The following NEO1 variants were observed in gnomAD, a reference collection of about 807,000 sequenced individuals.
NEO1 encodes neogenin 1, also known as neogenin.
NEO1 carries 63 observed loss-of-function variants against 159.7 expected under a neutral mutation model. The ratio of observed to expected loss-of-function variants is 0.39; its 90% confidence interval spans 0.32 to 0.49. The LOEUF (loss-of-function observed/expected upper bound fraction) is 0.49. Among genes scored for constraint, NEO1 ranks in the 20% least tolerant of loss-of-function variants. The pLI is 0.85. For synonymous variants in NEO1, 633 were observed against 662.0 expected (o/e 0.96, Z 0.67); for missense variants, 1,615 against 1,831.0 (o/e 0.88, Z 2.15).
chr15:73,138,689 G>A (rs1324079762), intron 5 of NEO1, among the ~76,000 whole-genome samples: 1 of 151,068 alleles, frequency 6.6e-6, no homozygotes, highest in East Asian at 2.0e-4. Flanking sequence ...CTGGGAAGCC[G>A]AGCTTGCAGT....
At chr15:73,257,611 T>C (rs1206555207) in intron 13 of NEO1, among the ~76,000 whole-genome samples, 1 of 152,220 alleles carries the variant, frequency 6.6e-6, no homozygotes, top group Non-Finnish European at 1.5e-5. Context: ...GAAGTAATTA[T>C]TGTTATAGCA....
chr15:73,127,993 A>G lies in NEO1; in HGVS notation c.878+1423A>G, dbSNP rs920673254. On this transcript the variant is annotated intron_variant, in intron 4 of 28. Transcript: ENST00000261908. ...TTTTATAGTTCAGTATCCAAGACGT[A>G]GAAACAGGTATCTATCTAGTTATCT... 1.9e-4 allele frequency among the ~76,000 whole-genome samples: 29 copies of G among 152,204 alleles called. No individual in the cohort carries two copies. In the South Asian group the frequency reaches 6.0e-3, roughly 32 times the overall value.
rs756549597 is a variant in NEO1, at chr15:73,274,740, G to T, written c.3193+16G>T. 4.4e-6 allele frequency: 7 copies of T among 1,609,192 alleles called. No individual in the cohort carries two copies. In the East Asian group the frequency reaches 1.6e-4, roughly 36 times the overall value. Reference sequence around the variant, plus strand: ...AATGATCAAGGTAAATGAGTAGATGGCCTCTCTTTTCTTTCCTTTCTTTTG... The same window carrying T: ...AATGATCAAGGTAAATGAGTAGATGTCCTCTCTTTTCTTTCCTTTCTTTTG... On this transcript the variant is annotated intron_variant, in intron 21 of 28. Coordinates refer to ENST00000261908, the MANE Select transcript of NEO1 (RefSeq NM_002499.4).
chr15:73,054,215 CATG>C (rs1356159784), intron 1 of NEO1, among the ~76,000 whole-genome samples: 2 of 152,180 alleles, frequency 1.3e-5, no homozygotes, highest in Admixed American at 6.5e-5. Context: ...TCCTGTTACT[CATG>C]ATCTATTTTA....
chr15:73,238,635 G>A (rs981203134), intron 8 of NEO1, among the ~76,000 whole-genome samples: 1 of 151,654 alleles, frequency 6.6e-6, no homozygotes, highest in South Asian at 2.1e-4. Flanking sequence ...AACAGGAAAG[G>A]GCTTTTAAAG....
chr15:73,164,100 T>C (rs936225025), intron 5 of NEO1, among the ~76,000 whole-genome samples: 1 of 151,302 alleles, frequency 6.6e-6, no homozygotes, highest in Non-Finnish European at 1.5e-5. Context: ...CAATCTCAGC[T>C]CACTGCAACC....
At chr15:73,093,550 A>G (rs1394470524) in intron 1 of NEO1, among the ~76,000 whole-genome samples, 1 of 148,500 alleles carries the variant, frequency 6.7e-6, no homozygotes, top group Admixed American at 6.7e-5. Context: ...AAATTGTTTC[A>G]GCTTTGACCA....
intron 1 of NEO1, among the ~76,000 whole-genome samples, chr15:73,103,764 G>T (rs2070529406): frequency 6.6e-6 from 1 of 152,146 alleles, no homozygotes; most frequent in African/African-American, 2.4e-5. Flanking sequence ...ATGGAGGTGG[G>T]TTAGGGTGCA....
chr15:73,077,038 TA>T (rs1485853677), intron 1 of NEO1, among the ~76,000 whole-genome samples: 3 of 152,080 alleles, frequency 2.0e-5, no homozygotes, highest in African/African-American at 7.3e-5. Context: ...GCAATTTTTT[TA>T]AATTAATTAA....
At chr15:73,212,718 T>C (rs1005966921) in intron 7 of NEO1, among the ~76,000 whole-genome samples, 1 of 151,916 alleles carries the variant, frequency 6.6e-6, no homozygotes, top group South Asian at 2.1e-4. Flanking sequence ...TATAGAAGCA[T>C]TGCTGATAGT....
intron 9 of NEO1, among the ~76,000 whole-genome samples, chr15:73,247,875 T>C (rs922461454): frequency 5.3e-5 from 8 of 152,164 alleles, no homozygotes; most frequent in East Asian, 1.9e-4. Context: ...TTGTAGGAGA[T>C]AGAGCCAGCT....
intron 1 of NEO1, among the ~76,000 whole-genome samples, chr15:73,071,207 C>A (rs2068514902): frequency 6.6e-6 from 1 of 152,072 alleles, no homozygotes; most frequent in East Asian, 1.9e-4. Context: ...CTTGGCCTCC[C>A]AAAGTGCAGG....
intron 25 of NEO1, among the ~76,000 whole-genome samples, chr15:73,289,644 T>A (rs2042086271): frequency 1.3e-5 from 2 of 152,176 alleles, no homozygotes; most frequent in South Asian, 4.1e-4. Context: ...TTTATTTTTT[T>A]AATTAATAGA....
rs1471027119 is a variant in NEO1, at chr15:73,135,846, C to T, written c.879-45C>T. 8 of 1,430,304 alleles carry T rather than the reference C, an allele frequency of 5.6e-6. No individual in the cohort carries two copies. The African/African-American group carries it at 8.8e-5, about 16-fold the overall frequency. The allele number at this position is 1,430,304 out of a possible 1,614,324, so 88.6% of individuals were successfully genotyped here. On this transcript the variant is annotated intron_variant, in intron 4 of 28. Transcript: ENST00000261908. Reference sequence around the variant, plus strand: ...GGAGAGTTTTTCAGGTATTATTTTCCTAGTACTGAAATGTATCTTTTTTTT... The same window carrying T: ...GGAGAGTTTTTCAGGTATTATTTTCTTAGTACTGAAATGTATCTTTTTTTT...
At chr15:73,127,830 T>A (rs2030505764) in intron 4 of NEO1, among the ~76,000 whole-genome samples, 1 of 152,226 alleles carries the variant, frequency 6.6e-6, no homozygotes, top group Non-Finnish European at 1.5e-5. Context: ...ACATTTATTT[T>A]AAAATTTCAG....
At chr15:73,170,134 T>C (rs1187005160) in intron 5 of NEO1, among the ~76,000 whole-genome samples, 1 of 152,142 alleles carries the variant, frequency 6.6e-6, no homozygotes, top group East Asian at 1.9e-4. Context: ...GAATTATAAT[T>C]CCATGTAAAT....
chr15:73,284,292 C>A (rs2041852137), intron 23 of NEO1, among the ~76,000 whole-genome samples: 1 of 152,146 alleles, frequency 6.6e-6, no homozygotes, highest in African/African-American at 2.4e-5. Context: ...AAGAGAAATT[C>A]ATGTTTATGT....
rs1277362385 is a variant in NEO1, at chr15:73,295,146, A to ATATATATATATATATAT, written c.3901+1598_3901+1599insTATATATATATATATAT. Among the ~76,000 whole-genome samples, 44 of 140,188 alleles carry ATATATATATATATATAT rather than the reference A, an allele frequency of 3.1e-4. 1 individual carries two copies. Among genetic ancestry groups the ATATATATATATATATAT allele is most frequent in the East Asian group, 6.4e-4 (3 of 4,652 alleles). The allele number at this position is 140,188 out of a possible 152,430, so 92.0% of individuals were successfully genotyped here. A position where few individuals can be genotyped will look rare whatever the true frequency, so the allele number is the denominator to read the frequency against. On this transcript the variant is annotated intron_variant, in intron 26 of 28. Transcript: ENST00000261908. Reference sequence around the variant, plus strand: ...ATTAAATATATATATATATATATGTAAAAATTTGGCCTTTCTACTATCTCC... The same window carrying ATATATATATATATATAT: ...ATTAAATATATATATATATATATGTATATATATATATATATATAAAATTTGGCCTTTCTACTATCTCC...
At chr15:73,218,438 C>T (rs2038032333) in intron 7 of NEO1, among the ~76,000 whole-genome samples, 1 of 151,992 alleles carries the variant, frequency 6.6e-6, no homozygotes, top group Non-Finnish European at 1.5e-5. Context: ...ATGCTGGCCT[C>T]ATAAAATGAG....
Sources: gnomAD v4.1 joint callset for allele counts (sites outside exome capture counted in the v4.1 genomes callset) on GRCh38, gnomAD v4.1.1 for gene constraint, MANE v1.5 for transcripts, NCBI Gene and HGNC (gene_info 2026-07-23, HGNC 2026-07-21) for gene names.